HIGD1A: variants seen among roughly 807,000 people sequenced by gnomAD.
HIGD1A encodes HIG1 domain family member 1A, mitochondrial.
A neutral mutation model predicts 11.3 loss-of-function variants in HIGD1A; 8 were observed. The ratio of observed to expected loss-of-function variants is 0.71; its 90% CI spans 0.42 to 1.28. The LOEUF is 1.28. HIGD1A is among the 50% of genes most tolerant of loss of function. The pLI is 0.01. For missense variants in HIGD1A, 107 were observed against 118.8 expected (o/e 0.90, Z 0.46); for synonymous variants, 32 against 38.4 (o/e 0.83, Z 0.62).
rs560571838 is a variant in HIGD1A at position 42,802,464 on chromosome 3, A to T, written c.-23+1972T>A. 2.6e-5 allele frequency among the ~76,000 whole-genome samples: 4 copies of T among 152,372 alleles called. No homozygotes were observed. In the South Asian group the frequency reaches 8.3e-4, roughly 32 times the overall value. Reference sequence around the variant, plus strand: ...AAGGATTAATATTTAAAAATCCAACACATATCAGTTATTTGTTATTCTGTA... The same window carrying T: ...AAGGATTAATATTTAAAAATCCAACTCATATCAGTTATTTGTTATTCTGTA... On this transcript the variant is annotated intron_variant, in intron 1 of 3. Transcript: ENST00000321331.
chr3:42,804,179 G>C (rs757061488), intron 1 of HIGD1A: 10 of 1,610,492 alleles, frequency 6.2e-6, no homozygotes, highest in African/African-American at 1.3e-5. Context: ...CACTCCACAA[G>C]CTTCTGCTCC....
chr3:42,786,182 G>T lies in HIGD1A; in HGVS notation c.98-20C>A. 1 of 1,613,624 alleles carries T rather than the reference G, an allele frequency of 6.2e-7. No homozygotes were observed. Among genetic ancestry groups the T allele is most frequent in the Non-Finnish European group, 8.5e-7 (1 of 1,179,618 alleles). On this transcript the variant is annotated intron_variant, in intron 2 of 3. Transcript: ENST00000321331. ...CTATTCCTGTAAAACAAAGTAACAA[G>T]TATGTCAGATGCATGAGAAGGGACC...
At chr3:42,801,239 C>T (rs879734450) in intron 1 of HIGD1A, among the ~76,000 whole-genome samples, 1 of 152,202 alleles carries the variant, frequency 6.6e-6, no homozygotes, top group Non-Finnish European at 1.5e-5. Flanking sequence ...TCGGCGAACT[C>T]CTCACAGTTC....
chr3:42,795,196 C>G (rs1700479525), intron 1 of HIGD1A, among the ~76,000 whole-genome samples: 1 of 149,872 alleles, frequency 6.7e-6, no homozygotes, highest in Non-Finnish European at 1.5e-5. Context: ...CAGGTGTGAG[C>G]CACTGTGCCA....
intron 2 of HIGD1A, among the ~76,000 whole-genome samples, 200 bp from the exon 3 acceptor site, chr3:42,786,362 A>T (rs918637577): frequency 6.6e-6 from 1 of 152,254 alleles, no homozygotes; most frequent in Non-Finnish European, 1.5e-5. Flanking sequence ...CCAGAAAGTC[A>T]GGATTATCTT....
At chr3:42,792,813 T>G (rs1441431416) in intron 2 of HIGD1A, among the ~76,000 whole-genome samples, 1 of 150,760 alleles carries the variant, frequency 6.6e-6, no homozygotes, top group Non-Finnish European at 1.5e-5. Flanking sequence ...AACCCCCATC[T>G]CTACTAAAAA....
At position 42,784,823 on chromosome 3, in the gene HIGD1A, C is replaced by T. The variant is rs1700330222; in HGVS notation, c.*448G>A. ...AGTTATATTCCATGCACTTTTTGGACAGAGTTCTAACAGAGCCAGCCAGTC... is the reference window on the plus strand; with the variant it reads ...AGTTATATTCCATGCACTTTTTGGATAGAGTTCTAACAGAGCCAGCCAGTC... On this transcript the variant is annotated 3_prime_UTR_variant, in exon 4 of 4. Coordinates refer to ENST00000321331, the MANE Select transcript of HIGD1A (RefSeq NM_014056.4). The T allele has an allele frequency of 6.3e-6, 1 of 157,554 alleles. No homozygotes were observed. Among genetic ancestry groups the T allele is most frequent in the African/African-American group, 2.4e-5 (1 of 41,608 alleles). 9.8% of individuals were successfully genotyped at this position (157,554 alleles called of 1,614,324 possible).
At position 42,788,522 on chromosome 3, in the gene HIGD1A, T is replaced by G. The variant is rs141054591; in HGVS notation, c.98-2360A>C. ...AAAGTATTCCAGGGCATTAAAAACATAGCAATACATTTTTTTCCAATATAT... is the reference window on the plus strand; with the variant it reads ...AAAGTATTCCAGGGCATTAAAAACAGAGCAATACATTTTTTTCCAATATAT... On this transcript the variant is annotated intron_variant, in intron 2 of 3. Transcript: ENST00000321331. Among the ~76,000 whole-genome samples the G allele has an allele frequency of 5.5e-3, 829 of 150,928 alleles. 7 individuals carry two copies. The highest frequency in any genetic ancestry group is 0.02 in the African/African-American group (796 of 40,306).
In HIGD1A at chr3:42,783,619, T is replaced by TAAAC. The variant is rs201602754; in HGVS notation, c.*1648_*1651dup. 3.5e-4 allele frequency among the ~76,000 whole-genome samples: 53 copies of TAAAC among 152,272 alleles called. No homozygotes were observed. In the East Asian group the frequency reaches 4.4e-3, roughly 13 times the overall value. On this transcript the variant is annotated 3_prime_UTR_variant, in exon 4 of 4. Coordinates refer to ENST00000321331, the MANE Select transcript of HIGD1A (RefSeq NM_014056.4). ...AACAGAGCAAGACTCTGTCTCAAAA[T>TAAAC]AAACAAACAAACAAACAAACAAACA...
At chr3:42,804,162 G>A (rs760446409) in intron 1 of HIGD1A, 4 of 1,608,696 alleles carry the variant, frequency 2.5e-6, no homozygotes, top group East Asian at 2.3e-5. Context: ...TTCCCCGCTC[G>A]GCAACTCACT....
At chr3:42,785,893 C>A in intron 3 of HIGD1A, 135 bp downstream of exon 3, 1 of 782,048 alleles carries the variant, frequency 1.3e-6, no homozygotes, top group South Asian at 1.6e-5. Context: ...TTCATTAATT[C>A]ATTTTTTACA....
At chr3:42,794,316 C>T in intron 1 of HIGD1A, 41 bp from the exon 2 acceptor site, 1 of 1,517,066 alleles carries the variant, frequency 6.6e-7, no homozygotes. Context: ...TTAAAAGCAT[C>T]TGAACATTAT....
At chr3:42,801,313 AATTTTTGTCTCTTT>A (rs1700557894) in intron 1 of HIGD1A, among the ~76,000 whole-genome samples, 1 of 152,132 alleles carries the variant, frequency 6.6e-6, no homozygotes, top group African/African-American at 2.4e-5. Flanking sequence ...TCCTCTCAGA[AATTTTTGTCTCTTT>A]AAGTTCGTAA....
At chr3:42,785,862 T>C (rs1279016423) in intron 3 of HIGD1A, among the ~76,000 whole-genome samples, 166 bp downstream of exon 3, 1 of 152,234 alleles carries the variant, frequency 6.6e-6, no homozygotes, top group African/African-American at 2.4e-5. Flanking sequence ...ATAGAAAAAC[T>C]ATGTCACTAC....
chr3:42,796,264 T>C (rs1251048115), intron 1 of HIGD1A, among the ~76,000 whole-genome samples: 2 of 152,156 alleles, frequency 1.3e-5, no homozygotes, highest in Non-Finnish European at 2.9e-5. Context: ...AAATTTAGAT[T>C]GGACTTAAAC....
intron 2 of HIGD1A, among the ~76,000 whole-genome samples, chr3:42,792,792 C>T (rs768851111): frequency 4.6e-5 from 7 of 151,194 alleles, no homozygotes; most frequent in Non-Finnish European, 8.8e-5. Flanking sequence ...CCAGCCTGGC[C>T]AACATGATGA....
At chr3:42,785,724 T>C (rs1231615691) in intron 3 of HIGD1A, among the ~76,000 whole-genome samples, 2 of 152,192 alleles carry the variant, frequency 1.3e-5, no homozygotes, top group Non-Finnish European at 2.9e-5. Flanking sequence ...AAAATAGCAA[T>C]TGTATGTCTC....
chr3:42,803,068 A>G (rs996875749), intron 1 of HIGD1A, among the ~76,000 whole-genome samples: 8 of 152,222 alleles, frequency 5.3e-5, no homozygotes, highest in Admixed American at 3.9e-4. Context: ...CCACTGCCAG[A>G]CTTTCCTTCA....
intron 2 of HIGD1A, among the ~76,000 whole-genome samples, chr3:42,787,428 T>C (rs1270359213): frequency 2.0e-5 from 3 of 151,350 alleles, no homozygotes; most frequent in African/African-American, 4.9e-5. Flanking sequence ...TCATCTCTAC[T>C]AAAAATACAA....
Sources: allele counts gnomAD v4.1 joint callset (sites outside exome capture counted in the v4.1 genomes callset), GRCh38; gene constraint gnomAD v4.1.1; transcripts MANE v1.5; gene names NCBI Gene and HGNC (gene_info 2026-07-23, HGNC 2026-07-21).